Variants in NELL2 observed in about 807,000 individuals in gnomAD.
NELL2 encodes the protein neural EGFL like 2, also known as protein kinase C-binding protein NELL2.
In NELL2, 41 loss-of-function variants were observed where a neutral mutation model predicts 109.6. The observed-to-expected ratio is 0.37, with a 90% CI of 0.29 to 0.49. The LOEUF is 0.49. Ranked by LOEUF, NELL2 falls within the 20% of genes least tolerant of loss-of-function variation. NELL2 has a pLI of 0.98. For synonymous variants in NELL2, 355 were observed against 344.7 expected (o/e 1.03, Z -0.33); for missense variants, 900 against 1,008.3 (o/e 0.89, Z 1.45).
At chr12:44,552,663 C>T (rs1943084652) in intron 15 of NELL2, among the ~76,000 whole-genome samples, 1 of 152,018 alleles carries the variant, frequency 6.6e-6, no homozygotes, top group South Asian at 2.1e-4. Flanking sequence ...ACAAAGAAAG[C>T]ACATACCAAA....
chr12:44,694,996 A>G (rs1949016068), intron 12 of NELL2, among the ~76,000 whole-genome samples: 1 of 151,942 alleles, frequency 6.6e-6, no homozygotes, highest in Admixed American at 6.6e-5. Context: ...AGCTGAAAAA[A>G]AGAGAAGAAA....
chr12:44,856,954 A>G (rs1463673756), intron 2 of NELL2, among the ~76,000 whole-genome samples: 1 of 152,186 alleles, frequency 6.6e-6, no homozygotes, highest in African/African-American at 2.4e-5. Flanking sequence ...CAAGTGAAAG[A>G]GGGTGGTAGC....
intron 1 of NELL2, among the ~76,000 whole-genome samples, chr12:44,919,279 T>C (rs1470796828): frequency 6.6e-6 from 1 of 152,026 alleles, no homozygotes; most frequent in Non-Finnish European, 1.5e-5. Context: ...AGTGGTACAA[T>C]GAAGATAAAT....
intron 15 of NELL2, among the ~76,000 whole-genome samples, chr12:44,584,857 A>T (rs1034610239): frequency 6.6e-6 from 1 of 152,314 alleles, no homozygotes; most frequent in Non-Finnish European, 1.5e-5. Flanking sequence ...AACAATATAG[A>T]CAATGGATAT....
intron 15 of NELL2, among the ~76,000 whole-genome samples, chr12:44,597,971 C>T (rs984056045): frequency 6.6e-6 from 1 of 152,132 alleles, no homozygotes; most frequent in Non-Finnish European, 1.5e-5. Flanking sequence ...ATTGTTCCTA[C>T]AATTTGAATA....
chr12:44,763,849 C>G (rs1181668319), intron 9 of NELL2, among the ~76,000 whole-genome samples: 2 of 151,552 alleles, frequency 1.3e-5, no homozygotes, highest in East Asian at 3.9e-4. Flanking sequence ...TATTAATCTT[C>G]TTATCCTTAC....
chr12:44,916,523 C>T (rs866019887), upstream of NELL2, among the ~76,000 whole-genome samples: 8 of 152,160 alleles, frequency 5.3e-5, no homozygotes, highest in Middle Eastern at 3.4e-3. Context: ...AATAGGGCAC[C>T]ACTGTGATTT....
intron 1 of NELL2, among the ~76,000 whole-genome samples, chr12:44,906,273 G>A (rs1172655652): frequency 6.6e-6 from 1 of 152,058 alleles, no homozygotes; most frequent in Non-Finnish European, 1.5e-5. Flanking sequence ...GGGTTAGGAA[G>A]AGAGTAAGAG....
chr12:44,719,508 T>C (rs1938659733), intron 9 of NELL2, among the ~76,000 whole-genome samples: 1 of 152,208 alleles, frequency 6.6e-6, no homozygotes, highest in Admixed American at 6.5e-5. Context: ...TTAAAATTCA[T>C]GCATCTACTT....
At chr12:44,526,943 G>C (rs894750854) in intron 16 of NELL2, among the ~76,000 whole-genome samples, 1 of 152,128 alleles carries the variant, frequency 6.6e-6, no homozygotes, top group African/African-American at 2.4e-5. Context: ...CCCTTCATAC[G>C]CATGTTCAAA....
chr12:44,841,878 C>A (rs1029111716), intron 2 of NELL2, among the ~76,000 whole-genome samples: 2 of 152,016 alleles, frequency 1.3e-5, no homozygotes. Context: ...GCTCCTCTAG[C>A]CACCTTAACA....
intron 16 of NELL2, among the ~76,000 whole-genome samples, chr12:44,532,157 A>C (rs964654555): frequency 6.6e-6 from 1 of 152,152 alleles, no homozygotes; most frequent in Non-Finnish European, 1.5e-5. Flanking sequence ...AATAGCCCTG[A>C]GTAGCATGCA....
intron 13 of NELL2, among the ~76,000 whole-genome samples, chr12:44,647,554 G>T (rs988746212): frequency 6.6e-6 from 1 of 152,132 alleles, no homozygotes; most frequent in Non-Finnish European, 1.5e-5. Context: ...AAGAGCTATA[G>T]AAATGCAGAT....
chr12:44,703,221 A>G (rs1393279279), intron 12 of NELL2, among the ~76,000 whole-genome samples: 1 of 152,210 alleles, frequency 6.6e-6, no homozygotes, highest in African/African-American at 2.4e-5. Context: ...ATTAGTTAAG[A>G]TTTTTAAAAA....
At chr12:44,803,256 C>T (rs144173576) in intron 3 of NELL2, among the ~76,000 whole-genome samples, 5 of 151,992 alleles carry the variant, frequency 3.3e-5, no homozygotes, top group Non-Finnish European at 7.4e-5. Flanking sequence ...AAATGACAAC[C>T]AAATGCAACA....
At chr12:44,737,028 AT>A (rs1323873936) in intron 9 of NELL2, among the ~76,000 whole-genome samples, 1 of 152,094 alleles carries the variant, frequency 6.6e-6, no homozygotes, top group African/African-American at 2.4e-5. Flanking sequence ...CTGTAGTTAC[AT>A]AAAAATATTA....
intron 1 of NELL2, among the ~76,000 whole-genome samples, chr12:44,920,728 TACTG>T (rs1040358550): frequency 4.1e-4 from 63 of 152,326 alleles, no homozygotes; most frequent in African/African-American, 1.5e-3. Flanking sequence ...AATATTTCAG[TACTG>T]CCAGATTTTA....
In NELL2 at chr12:44,532,734, G is replaced by T. The variant is rs979253160; in HGVS notation, c.1664-13C>A. On this transcript the variant is annotated splice_polypyrimidine_tract_variant and intron_variant, in intron 15 of 19. Coordinates refer to ENST00000429094, the MANE Select transcript of NELL2 (RefSeq NM_001145108.2). ...CATTCATCAATGTCTGGCAAAAAAA[G>T]AGGGATTTTATAAAATTATTTATCT... 1 of 1,597,466 alleles carries T rather than the reference G, an allele frequency of 6.3e-7. No homozygotes were observed. Among genetic ancestry groups the T allele is most frequent in the Non-Finnish European group, 8.5e-7 (1 of 1,172,428 alleles).
chr12:44,536,378 T>C (rs553021465), intron 15 of NELL2, among the ~76,000 whole-genome samples: 1 of 152,084 alleles, frequency 6.6e-6, no homozygotes, highest in Admixed American at 6.6e-5. Flanking sequence ...GTGTTTCACA[T>C]ATTTTGTAAT....
Sources: gnomAD v4.1 joint callset for allele counts (sites outside exome capture counted in the v4.1 genomes callset) on GRCh38, gnomAD v4.1.1 for gene constraint, MANE v1.5 for transcripts, NCBI Gene and HGNC (gene_info 2026-07-23, HGNC 2026-07-21) for gene names.